Variants in CDH11 observed in about 807,000 individuals in gnomAD.
The protein encoded by CDH11 is cadherin-11.
In CDH11, 11 loss-of-function variants were observed where a neutral mutation model predicts 67.8. The observed-to-expected ratio is 0.16, with a 90% CI of 0.10 to 0.27. The LOEUF is 0.27. CDH11 is among the 10% of genes least tolerant of loss of function. CDH11 has a pLI of 1.00. For synonymous variants in CDH11, 419 were observed against 400.0 expected (o/e 1.05, Z -0.57); for missense variants, 847 against 1,031.2 (o/e 0.82, Z 2.45).
chr16:65,103,904 C>T (rs1321483591), intron 1 of CDH11, among the ~76,000 whole-genome samples: 2 of 152,108 alleles, frequency 1.3e-5, no homozygotes, highest in African/African-American at 4.8e-5. Flanking sequence ...GATATATTGG[C>T]TTAAATAAAA....
chr16:65,115,873 G>A (rs1293710703), intron 1 of CDH11, among the ~76,000 whole-genome samples: 2 of 152,142 alleles, frequency 1.3e-5, no homozygotes, highest in Non-Finnish European at 2.9e-5. Context: ...CCAGGAGTTT[G>A]AGACCAGCCA....
At chr16:64,960,198 G>A (rs1243988221) in intron 11 of CDH11, among the ~76,000 whole-genome samples, 1 of 152,144 alleles carries the variant, frequency 6.6e-6, no homozygotes, top group East Asian at 1.9e-4. Context: ...GCTGGGTGAT[G>A]GGGTACTGAC....
At position 64,972,903 on chromosome 16, in the gene CDH11, C is replaced by T. The variant is rs1314845916; in HGVS notation, c.1390+1G>A. ...ATCAAAACCATGAGGAGAATACTTACGGATTTCTGCTGCAAAGACAGTGAT... is the reference window on the plus strand; with the variant it reads ...ATCAAAACCATGAGGAGAATACTTATGGATTTCTGCTGCAAAGACAGTGAT... On this transcript the variant is annotated splice_donor_variant, in intron 9 of 12. Coordinates refer to ENST00000268603, the MANE Select transcript of CDH11 (RefSeq NM_001797.4). LOFTEE classifies it high-confidence loss of function. 3 of 1,613,636 alleles carry T rather than the reference C, an allele frequency of 1.9e-6. No homozygotes were observed. The highest frequency in any genetic ancestry group is 1.7e-5 in the Admixed American group (1 of 59,976).
intron 11 of CDH11, among the ~76,000 whole-genome samples, chr16:64,967,534 G>A (rs2071873732): frequency 6.6e-6 from 1 of 152,068 alleles, no homozygotes; most frequent in Non-Finnish European, 1.5e-5. Context: ...GCGAAGGTGT[G>A]GAAAACAATG....
At chr16:65,122,702 C>A (rs1178773204), upstream of CDH11, among the ~76,000 whole-genome samples, 1 of 151,808 alleles carries the variant, frequency 6.6e-6, no homozygotes, top group Non-Finnish European at 1.5e-5. Flanking sequence ...GTGGTGAAGT[C>A]GGGCGGGGAG....
chr16:65,039,301 C>T (rs1005734342), intron 2 of CDH11, among the ~76,000 whole-genome samples: 27 of 152,318 alleles, frequency 1.8e-4, no homozygotes, highest in African/African-American at 6.0e-4. Flanking sequence ...CGCTACCTGA[C>T]TTCAAACTAT....
chr16:65,015,126 C>G (rs1353851087), intron 2 of CDH11, among the ~76,000 whole-genome samples: 1 of 151,410 alleles, frequency 6.6e-6, no homozygotes, highest in Admixed American at 6.6e-5. Context: ...CCCGCCTCGG[C>G]CTCCCAGAGT....
chr16:65,119,488 A>AAT, intron 1 of CDH11, among the ~76,000 whole-genome samples: 1 of 152,308 alleles, frequency 6.6e-6, no homozygotes, highest in East Asian at 1.9e-4. Flanking sequence ...AACGTAATGA[A>AAT]AGTTCTGAAG....
At chr16:64,998,262 A>C (rs968130807) in intron 4 of CDH11, among the ~76,000 whole-genome samples, 2 of 152,232 alleles carry the variant, frequency 1.3e-5, no homozygotes, top group Non-Finnish European at 2.9e-5. Flanking sequence ...GCTAAATAAA[A>C]TAGTGCATGT....
At chr16:64,975,887 A>G (rs1199070296) in intron 8 of CDH11, among the ~76,000 whole-genome samples, 1 of 152,202 alleles carries the variant, frequency 6.6e-6, no homozygotes, top group East Asian at 1.9e-4. Context: ...ATTAAAAAGA[A>G]AAAGAGGAAA....
chr16:64,948,467 G>A (rs1337640529), intron 12 of CDH11: 18 of 750,352 alleles, frequency 2.4e-5, no homozygotes, highest in Non-Finnish European at 3.9e-5. Context: ...CTTTGCAAAG[G>A]AAGGTAGCTG....
intron 1 of CDH11, among the ~76,000 whole-genome samples, chr16:65,056,596 T>G (rs1279477520): frequency 6.6e-6 from 1 of 152,178 alleles, no homozygotes; most frequent in African/African-American, 2.4e-5. Context: ...TAAGCACATA[T>G]AACCATCCTG....
At chr16:64,948,198 A>G in intron 12 of CDH11, 99 bp from the exon 13 acceptor site, 1 of 1,451,156 alleles carries the variant, frequency 6.9e-7, no homozygotes, top group Non-Finnish European at 9.2e-7. Context: ...TGAGGTATAA[A>G]TGCTCAGAAC....
At chr16:64,984,391 C>T (rs922883202) in intron 7 of CDH11, among the ~76,000 whole-genome samples, 4 of 152,200 alleles carry the variant, frequency 2.6e-5, no homozygotes, top group African/African-American at 9.7e-5. Flanking sequence ...AGATGCTTAA[C>T]ATTTAGACAT....
chr16:64,964,839 C>T lies in CDH11; in HGVS notation c.1642+6740G>A, dbSNP rs371333657. Reference sequence around the variant, plus strand: ...CTGGGATTACAGGCTTGAGCCACTGCGCCCAGCCCTGTAGACTTTATAAAC... The same window carrying T: ...CTGGGATTACAGGCTTGAGCCACTGTGCCCAGCCCTGTAGACTTTATAAAC... On this transcript the variant is annotated intron_variant, in intron 11 of 12. Transcript: ENST00000268603. 1.6e-4 allele frequency among the ~76,000 whole-genome samples: 24 copies of T among 152,142 alleles called. No homozygotes were observed. In the East Asian group the frequency reaches 2.9e-3, roughly 19 times the overall value.
chr16:65,106,262 T>C (rs747472301), intron 1 of CDH11, among the ~76,000 whole-genome samples: 34 of 151,922 alleles, frequency 2.2e-4, no homozygotes, highest in Admixed American at 1.2e-3. Context: ...ACAAGAGGAG[T>C]GAGTTCCTTC....
chr16:65,091,565 T>C (rs2074792867), intron 1 of CDH11, among the ~76,000 whole-genome samples: 1 of 151,664 alleles, frequency 6.6e-6, no homozygotes, highest in African/African-American at 2.4e-5. Context: ...TTTTTTTTTT[T>C]TTTTGAGACG....
At position 64,945,415 on chromosome 16, in the gene CDH11, T is replaced by C; in HGVS notation, c.*2188A>G. Reference sequence around the variant, plus strand: ...AATGCGAAAATGTAGTTGTCATCTCTAATCCAAATACATTCCTAGAGAAAA... The same window carrying C: ...AATGCGAAAATGTAGTTGTCATCTCCAATCCAAATACATTCCTAGAGAAAA... On this transcript the variant is annotated 3_prime_UTR_variant, in exon 13 of 13. Transcript: ENST00000268603. 1 of 1,034,834 alleles carries C rather than the reference T, an allele frequency of 9.7e-7. No homozygotes were observed. Among genetic ancestry groups the C allele is most frequent in the Non-Finnish European group, 1.2e-6 (1 of 858,872 alleles). The allele number at this position is 1,034,834 out of a possible 1,614,324, so 64.1% of individuals were successfully genotyped here. A position where few individuals can be genotyped will look rare whatever the true frequency, so the allele number is the denominator to read the frequency against.
At chr16:65,082,432 G>A (rs140999823) in intron 1 of CDH11, among the ~76,000 whole-genome samples, 24 of 152,212 alleles carry the variant, frequency 1.6e-4, no homozygotes, top group African/African-American at 5.5e-4. Flanking sequence ...AAACCACACC[G>A]CCAACCAGTA....
Sources: allele counts gnomAD v4.1 joint callset (sites outside exome capture counted in the v4.1 genomes callset), GRCh38; gene constraint gnomAD v4.1.1; transcripts MANE v1.5; gene names NCBI Gene and HGNC (gene_info 2026-07-23, HGNC 2026-07-21).